SLIT2: variants seen among roughly 807,000 people sequenced by gnomAD.
SLIT2 encodes slit homolog 2 protein.
A neutral mutation model predicts 185.7 loss-of-function variants in SLIT2; 41 were observed. The observed-to-expected ratio is 0.22, with a 90% CI of 0.17 to 0.29. SLIT2 has a LOEUF of 0.29. Among genes scored for constraint, SLIT2 ranks in the 10% least tolerant of loss-of-function variants. SLIT2 has a pLI of 1.00. For missense variants in SLIT2, 1,571 were observed against 1,909.0 expected (o/e 0.82, Z 3.30); for synonymous variants, 693 against 680.2 (o/e 1.02, Z -0.29).
At chr4:20,511,524 C>A (rs1200888453) in intron 11 of SLIT2, among the ~76,000 whole-genome samples, 2 of 146,530 alleles carry the variant, frequency 1.4e-5, no homozygotes, top group East Asian at 4.0e-4. Flanking sequence ...TGGGTTCATG[C>A]CATTCTCCTG....
chr4:20,293,677 T>C (rs796906181), intron 4 of SLIT2, among the ~76,000 whole-genome samples: 1 of 152,236 alleles, frequency 6.6e-6, no homozygotes, highest in African/African-American at 2.4e-5. Context: ...GAGGCATAGA[T>C]GTATTAATGT....
intron 33 of SLIT2, among the ~76,000 whole-genome samples, chr4:20,601,737 CAAT>C: frequency 6.6e-6 from 1 of 152,288 alleles, no homozygotes; most frequent in South Asian, 2.1e-4. Context: ...TAAAATCTAT[CAAT>C]AACAGTGTTG....
chr4:20,263,978 G>A (rs749201615), intron 3 of SLIT2, among the ~76,000 whole-genome samples: 1 of 151,850 alleles, frequency 6.6e-6, no homozygotes, highest in African/African-American at 2.4e-5. Context: ...CAACTGAAGA[G>A]ATGTGAAGAA....
chr4:20,387,539 G>T (rs1290421335), intron 4 of SLIT2, among the ~76,000 whole-genome samples: 1 of 152,084 alleles, frequency 6.6e-6, no homozygotes, highest in African/African-American at 2.4e-5. Flanking sequence ...TGAAGCCTCT[G>T]GAAAACTCCA....
chr4:20,282,836 T>A (rs1178748370), intron 4 of SLIT2, among the ~76,000 whole-genome samples: 1 of 152,220 alleles, frequency 6.6e-6, no homozygotes, highest in African/African-American at 2.4e-5. Flanking sequence ...TACTTTTTAT[T>A]ACTTCTGATT....
chr4:20,598,456 C>T (rs984510968), intron 33 of SLIT2, 61 bp downstream of exon 33: 5 of 1,579,854 alleles, frequency 3.2e-6, no homozygotes, highest in Admixed American at 3.4e-5. Context: ...AACTGCTTCT[C>T]CTCTATCATT....
intron 29 of SLIT2, among the ~76,000 whole-genome samples, chr4:20,582,202 C>T (rs1726639371): frequency 6.6e-6 from 1 of 152,210 alleles, no homozygotes; most frequent in African/African-American, 2.4e-5. Flanking sequence ...GGCTCACTCC[C>T]CATCTCTTAG....
chr4:20,539,305 A>G, intron 18 of SLIT2, 136 bp from the exon 19 acceptor site: 1 of 698,658 alleles, frequency 1.4e-6, no homozygotes, highest in Admixed American at 3.0e-5. Flanking sequence ...TCATAGCAAT[A>G]TCTAATAGCA....
intron 4 of SLIT2, among the ~76,000 whole-genome samples, chr4:20,324,833 T>A (rs984892644): frequency 2.6e-5 from 4 of 152,130 alleles, no homozygotes; most frequent in Admixed American, 2.0e-4. Flanking sequence ...TAAACACAGA[T>A]GTATGCATAT....
chr4:20,327,036 T>C (rs1319217207), intron 4 of SLIT2, among the ~76,000 whole-genome samples: 1 of 151,984 alleles, frequency 6.6e-6, no homozygotes, highest in South Asian at 2.1e-4. Context: ...TAGTTATACA[T>C]TAAAGCATCC....
intron 18 of SLIT2, among the ~76,000 whole-genome samples, chr4:20,537,928 G>T (rs559208768): frequency 1.3e-5 from 2 of 152,140 alleles, no homozygotes; most frequent in South Asian, 4.1e-4. Context: ...TAGCAACAGA[G>T]ATCAAACTTT....
chr4:20,600,845 T>C (rs1402590286), intron 33 of SLIT2, among the ~76,000 whole-genome samples: 1 of 151,926 alleles, frequency 6.6e-6, no homozygotes, highest in Non-Finnish European at 1.5e-5. Context: ...GACCTTATTT[T>C]TTAATAAAAG....
chr4:20,410,436 A>G (rs901548811), intron 4 of SLIT2, among the ~76,000 whole-genome samples: 5 of 147,494 alleles, frequency 3.4e-5, no homozygotes, highest in African/African-American at 1.0e-4. Flanking sequence ...TTGTATTGTT[A>G]GTAGAGATGG....
chr4:20,310,626 G>A (rs917189380), intron 4 of SLIT2, among the ~76,000 whole-genome samples: 1 of 152,150 alleles, frequency 6.6e-6, no homozygotes, highest in African/African-American at 2.4e-5. Context: ...CTAGAGGTAT[G>A]TATGCTTCCT....
At chr4:20,401,102 T>C (rs1214534825) in intron 4 of SLIT2, among the ~76,000 whole-genome samples, 3 of 151,856 alleles carry the variant, frequency 2.0e-5, no homozygotes, top group Non-Finnish European at 4.4e-5. Flanking sequence ...TCTTTCATCA[T>C]TATTCTCATC....
In SLIT2 at chr4:20,594,238, TATATAC is replaced by T. The variant is rs528415853; in HGVS notation, c.3183-1443_3183-1438del. 5.1e-3 allele frequency among the ~76,000 whole-genome samples: 768 copies of T among 149,926 alleles called. 3 individuals are homozygous for T. The highest frequency in any genetic ancestry group is 0.012 in the African/African-American group (498 of 40,662). On this transcript the variant is annotated intron_variant, in intron 30 of 36. Coordinates refer to ENST00000504154, the MANE Select transcript of SLIT2 (RefSeq NM_004787.4). ...ATATATGTATATGTATGTACATGTG[TATATAC>T]ATATACATATACATACACGCATATG...
chr4:20,476,569 G>A (rs1056398170), intron 5 of SLIT2, among the ~76,000 whole-genome samples: 2 of 152,096 alleles, frequency 1.3e-5, no homozygotes, highest in African/African-American at 4.8e-5. Flanking sequence ...AGATTGTTAT[G>A]TTCTATATTG....
At chr4:20,557,686 T>C (rs1329485077) in intron 26 of SLIT2, among the ~76,000 whole-genome samples, 1 of 152,070 alleles carries the variant, frequency 6.6e-6, no homozygotes, top group Non-Finnish European at 1.5e-5. Context: ...TCAAGTCTTA[T>C]TTCAGAAATA....
intron 34 of SLIT2, 76 bp downstream of exon 34, chr4:20,610,243 T>C: frequency 7.8e-7 from 1 of 1,281,600 alleles, no homozygotes; most frequent in South Asian, 1.4e-5. Flanking sequence ...AGTTTGTTAA[T>C]GCCTAATATA....
Sources: gnomAD v4.1 joint callset for allele counts (sites outside exome capture counted in the v4.1 genomes callset) on GRCh38, gnomAD v4.1.1 for gene constraint, MANE v1.5 for transcripts, NCBI Gene and HGNC (gene_info 2026-07-23, HGNC 2026-07-21) for gene names.